Variants in NEGR1 observed in about 807,000 individuals in gnomAD.
NEGR1 encodes the protein IgLON family member 4.
Under a neutral mutation model 40.9 loss-of-function variants are expected in NEGR1, and 10 were observed. That is an observed-to-expected ratio of 0.24 (90% confidence interval 0.15 to 0.42). NEGR1 has a LOEUF of 0.42. Ranked by LOEUF, NEGR1 falls within the 10% of genes least tolerant of loss-of-function variation. The pLI is 1.00. For synonymous variants in NEGR1, 185 were observed against 166.8 expected, an observed-to-expected ratio of 1.11 and a Z score of -0.84; for missense variants, 352 against 438.9, an observed-to-expected ratio of 0.80 and a Z score of 1.77.
intron 4 of NEGR1, among the ~76,000 whole-genome samples, chr1:71,651,795 T>C (rs1251640272): frequency 6.6e-6 from 1 of 152,090 alleles, no homozygotes; most frequent in Non-Finnish European, 1.5e-5. Context: ...AACTAAACAC[T>C]TACTAGGTGC....
At chr1:71,833,138 T>A (rs1658897032) in intron 2 of NEGR1, among the ~76,000 whole-genome samples, 1 of 152,092 alleles carries the variant, frequency 6.6e-6, no homozygotes, top group Non-Finnish European at 1.5e-5. Context: ...AGGCTACTTT[T>A]TTTTGAGATC....
At chr1:71,704,133 G>T (rs924205931) in intron 3 of NEGR1, among the ~76,000 whole-genome samples, 53 of 149,046 alleles carry the variant, frequency 3.6e-4, no homozygotes, top group African/African-American at 1.1e-3. Context: ...CAAGCCAAGA[G>T]AAAATAGAAT....
At chr1:72,037,251 A>C (rs1646911445) in intron 1 of NEGR1, among the ~76,000 whole-genome samples, 1 of 152,214 alleles carries the variant, frequency 6.6e-6, no homozygotes, top group Non-Finnish European at 1.5e-5. Context: ...AAAAATTAAA[A>C]ATAAAGCTTA....
intron 2 of NEGR1, among the ~76,000 whole-genome samples, chr1:71,864,594 G>T (rs1660058735): frequency 6.6e-6 from 1 of 152,034 alleles, no homozygotes; most frequent in Non-Finnish European, 1.5e-5. Flanking sequence ...TTGACATTAA[G>T]GGCCCTGCAG....
chr1:72,051,948 C>T lies in NEGR1; in HGVS notation c.177-116637G>A, dbSNP rs537223977. Among the ~76,000 whole-genome samples, 4 of 151,438 alleles carry T rather than the reference C, an allele frequency of 2.6e-5. No homozygotes were observed. In the South Asian group the frequency reaches 8.3e-4, roughly 31 times the overall value. On this transcript the variant is annotated intron_variant, in intron 1 of 6. Transcript: ENST00000357731. Reference sequence around the variant, plus strand: ...TTGTCAACTTTCCAGAGCACTAGTTCCAAAGATCTTGATTGAACTTTCAGT... The same window carrying T: ...TTGTCAACTTTCCAGAGCACTAGTTTCAAAGATCTTGATTGAACTTTCAGT...
chr1:71,761,783 T>C (rs965928348), intron 3 of NEGR1, among the ~76,000 whole-genome samples: 14 of 151,960 alleles, frequency 9.2e-5, no homozygotes, highest in African/African-American at 2.9e-4. Flanking sequence ...AGTCTTCAGT[T>C]GAACTGCCAT....
chr1:71,955,832 T>C (rs961346008), intron 1 of NEGR1, among the ~76,000 whole-genome samples: 16 of 152,174 alleles, frequency 1.1e-4, no homozygotes, highest in Non-Finnish European at 1.6e-4. Context: ...AATTAAGTTT[T>C]CACGGACCAT....
intron 2 of NEGR1, among the ~76,000 whole-genome samples, chr1:71,868,943 C>T (rs1660198934): frequency 6.6e-6 from 1 of 152,088 alleles, no homozygotes; most frequent in Non-Finnish European, 1.5e-5. Context: ...CTTTCCTCTT[C>T]AACCTTCATG....
At chr1:71,809,969 G>A (rs954938920) in intron 2 of NEGR1, among the ~76,000 whole-genome samples, 1 of 152,070 alleles carries the variant, frequency 6.6e-6, no homozygotes, top group Non-Finnish European at 1.5e-5. Flanking sequence ...AATGGTAATT[G>A]TCTCTTAAAA....
At chr1:71,561,549 G>T (rs192277040) in intron 6 of NEGR1, among the ~76,000 whole-genome samples, 1 of 151,802 alleles carries the variant, frequency 6.6e-6, no homozygotes, top group Admixed American at 6.6e-5. Flanking sequence ...AATTTGAAGA[G>T]ATAATTGCAA....
intron 6 of NEGR1, among the ~76,000 whole-genome samples, chr1:71,500,761 T>C (rs1646993559): frequency 6.6e-6 from 1 of 152,072 alleles, no homozygotes; most frequent in South Asian, 2.1e-4. Context: ...AATGTTGTAG[T>C]ATATGCATAT....
chr1:72,046,430 C>G (rs1647002829), intron 1 of NEGR1, among the ~76,000 whole-genome samples: 2 of 151,518 alleles, frequency 1.3e-5, no homozygotes, highest in South Asian at 4.1e-4. Flanking sequence ...GATGAGACCT[C>G]TATTCAATTC....
chr1:72,148,519 C>A (rs28793133), intron 1 of NEGR1, among the ~76,000 whole-genome samples: 2,488 of 150,256 alleles, frequency 0.017, 70 homozygotes, highest in African/African-American at 0.058. Flanking sequence ...AATTTCCCCT[C>A]AAAAAAAAAT....
chr1:71,489,915 A>C (rs1646914952), intron 6 of NEGR1: 2 of 151,950 alleles, frequency 1.3e-5, no homozygotes, highest in South Asian at 4.1e-4. Context: ...CTTGCTGGAG[A>C]GAAAAAAAGT....
At chr1:72,270,876 T>C (rs1392998799) in intron 1 of NEGR1, among the ~76,000 whole-genome samples, 1 of 151,814 alleles carries the variant, frequency 6.6e-6, no homozygotes, top group African/African-American at 2.4e-5. Flanking sequence ...TGTTTCTACT[T>C]CCAAATGTGA....
intron 6 of NEGR1, among the ~76,000 whole-genome samples, chr1:71,530,608 C>T (rs1470030990): frequency 6.6e-6 from 1 of 151,242 alleles, no homozygotes; most frequent in Non-Finnish European, 1.5e-5. Context: ...TATTAAATTT[C>T]CCTACAATAA....
chr1:71,661,826 G>C (rs888434732), intron 4 of NEGR1, among the ~76,000 whole-genome samples: 10 of 152,110 alleles, frequency 6.6e-5, no homozygotes, highest in Non-Finnish European at 2.9e-5. Flanking sequence ...TAGGTGCTTA[G>C]AAGAAACTGT....
At chr1:71,635,237 T>C (rs1276625118) in intron 4 of NEGR1, among the ~76,000 whole-genome samples, 1 of 152,038 alleles carries the variant, frequency 6.6e-6, no homozygotes, top group Non-Finnish European at 1.5e-5. Flanking sequence ...TTATTACTGG[T>C]TCAAAACAAA....
chr1:71,854,085 T>C (rs1659690359), intron 2 of NEGR1, among the ~76,000 whole-genome samples: 1 of 152,176 alleles, frequency 6.6e-6, no homozygotes, highest in Non-Finnish European at 1.5e-5. Context: ...TTTAATGTCA[T>C]GTATATTTAC....
Sources: allele counts gnomAD v4.1 joint callset (sites outside exome capture counted in the v4.1 genomes callset), GRCh38; gene constraint gnomAD v4.1.1; transcripts MANE v1.5; gene names NCBI Gene and HGNC (gene_info 2026-07-23, HGNC 2026-07-21).